The following MARK1 variants were observed in gnomAD, a reference collection of about 807,000 sequenced individuals.
MARK1 encodes microtubule affinity regulating kinase 1.
Under a neutral mutation model 96.3 loss-of-function variants are expected in MARK1, and 40 were observed. That is an observed-to-expected ratio of 0.42 (90% CI 0.32 to 0.54). The LOEUF is 0.54. MARK1 is among the 20% of genes least tolerant of loss of function. The pLI, the probability that MARK1 is intolerant of heterozygous loss-of-function variation, is 0.16. For missense variants in MARK1, 719 were observed against 984.6 expected (o/e 0.73, Z 3.61); for synonymous variants, 317 against 341.2 (o/e 0.93, Z 0.78).
intron 6 of MARK1, among the ~76,000 whole-genome samples, chr1:220,608,098 TC>T (rs1210616281): frequency 2.6e-5 from 4 of 152,250 alleles, no homozygotes; most frequent in Non-Finnish European, 5.9e-5. Flanking sequence ...TCCCTCTTTT[TC>T]TATTGATTGG....
At chr1:220,535,455 C>G (rs1660620545) in intron 1 of MARK1, among the ~76,000 whole-genome samples, 2 of 152,036 alleles carry the variant, frequency 1.3e-5, no homozygotes, top group Non-Finnish European at 2.9e-5. Context: ...TAGTTTTGCT[C>G]ATACTGTAGT....
chr1:220,581,782 G>A (rs1664259097), intron 3 of MARK1, among the ~76,000 whole-genome samples: 1 of 152,164 alleles, frequency 6.6e-6, no homozygotes, highest in South Asian at 2.1e-4. Flanking sequence ...AAGCAGTTAG[G>A]AAGGGGATTG....
At chr1:220,568,747 A>G (rs981622528) in intron 1 of MARK1, among the ~76,000 whole-genome samples, 1 of 152,200 alleles carries the variant, frequency 6.6e-6, no homozygotes, top group African/African-American at 2.4e-5. Context: ...GCATGGAGGC[A>G]CATGTACACA....
At chr1:220,589,867 A>C (rs935804130) in intron 3 of MARK1, among the ~76,000 whole-genome samples, 1 of 152,316 alleles carries the variant, frequency 6.6e-6, no homozygotes, top group African/African-American at 2.4e-5. Context: ...AATTACCTCT[A>C]TTTTTTATAC....
chr1:220,578,636 G>A (rs1277729739), intron 1 of MARK1, among the ~76,000 whole-genome samples: 1 of 152,104 alleles, frequency 6.6e-6, no homozygotes, highest in African/African-American at 2.4e-5. Flanking sequence ...CAAATGGCTG[G>A]GCTAGTTTTG....
At chr1:220,535,184 C>T (rs760686648) in intron 1 of MARK1, among the ~76,000 whole-genome samples, 28 of 152,074 alleles carry the variant, frequency 1.8e-4, no homozygotes, top group Non-Finnish European at 1.2e-4. Flanking sequence ...CAACAGTGCA[C>T]AAGGGTTGCA....
chr1:220,642,992 ATG>A (rs757388536), intron 13 of MARK1, among the ~76,000 whole-genome samples: 1 of 152,216 alleles, frequency 6.6e-6, no homozygotes, highest in Non-Finnish European at 1.5e-5. Flanking sequence ...ATCCACGAAA[ATG>A]AGGAAAAACC....
chr1:220,604,228 AT>A, intron 6 of MARK1, 91 bp downstream of exon 6: 1 of 647,278 alleles, frequency 1.5e-6, no homozygotes, highest in Non-Finnish European at 2.6e-6. Context: ...AGCACATGGT[AT>A]TTTAAAAAGA....
chr1:220,653,462 C>T, intron 16 of MARK1, 110 bp downstream of exon 16: 1 of 1,128,600 alleles, frequency 8.9e-7, no homozygotes, highest in Non-Finnish European at 1.2e-6. Flanking sequence ...CATAACATTT[C>T]ATTAGAGCTG....
chr1:220,592,660 C>T (rs1279705303), intron 3 of MARK1, among the ~76,000 whole-genome samples: 2 of 152,200 alleles, frequency 1.3e-5, no homozygotes, highest in African/African-American at 2.4e-5. Flanking sequence ...CTTTGTTACT[C>T]ATCAATAGGA....
chr1:220,546,414 G>A (rs769288058), intron 1 of MARK1, among the ~76,000 whole-genome samples: 2 of 152,144 alleles, frequency 1.3e-5, no homozygotes, highest in Non-Finnish European at 2.9e-5. Context: ...AGTTTCTCTA[G>A]ATTTAGGGCA....
intron 1 of MARK1, among the ~76,000 whole-genome samples, chr1:220,539,161 A>G (rs1660946789): frequency 6.6e-6 from 1 of 150,388 alleles, no homozygotes; most frequent in Admixed American, 6.6e-5. Context: ...TTCAAAGGGA[A>G]TGCTTCCAGT....
intron 1 of MARK1, among the ~76,000 whole-genome samples, chr1:220,566,111 A>C (rs1036842566): frequency 6.6e-6 from 1 of 152,220 alleles, no homozygotes; most frequent in African/African-American, 2.4e-5. Context: ...TCAAGCTTAC[A>C]GTTAGGATTA....
chr1:220,565,978 G>T (rs1475695588), intron 1 of MARK1, among the ~76,000 whole-genome samples: 1 of 152,146 alleles, frequency 6.6e-6, no homozygotes, highest in African/African-American at 2.4e-5. Context: ...AAAAGCATAG[G>T]TCTTATAGTA....
chr1:220,611,374 G>A (rs752223528), intron 6 of MARK1, among the ~76,000 whole-genome samples: 3 of 152,200 alleles, frequency 2.0e-5, no homozygotes, highest in East Asian at 3.9e-4. Flanking sequence ...CGTAGGACCC[G>A]CCAAGCCAGG....
intron 6 of MARK1, among the ~76,000 whole-genome samples, chr1:220,615,251 C>G (rs1033788632): frequency 6.6e-6 from 1 of 152,060 alleles, no homozygotes; most frequent in African/African-American, 2.4e-5. Flanking sequence ...CTCCAAAGAG[C>G]CCTGTGTGAT....
rs1454365907 is a variant in MARK1 at position 220,664,003 on chromosome 1, T to C, written c.*1837T>C. The C allele has an allele frequency of 6.6e-6, 1 of 152,646 alleles. No individual in the cohort carries two copies. Among genetic ancestry groups the C allele is most frequent in the Admixed American group, 6.5e-5 (1 of 15,278 alleles). 9.5% of individuals were successfully genotyped at this position (152,646 alleles called of 1,614,324 possible). On this transcript the variant is annotated 3_prime_UTR_variant, in exon 18 of 18. Coordinates refer to ENST00000366917, the MANE Select transcript of MARK1 (RefSeq NM_018650.5). ...AGGAGTTTATTGTATGTGTTCTAAA[T>C]TTAGTTGGCAAAGGGTGAAGCTGTG...
intron 3 of MARK1, among the ~76,000 whole-genome samples, chr1:220,591,695 A>T (rs1295611588): frequency 6.6e-6 from 1 of 152,228 alleles, no homozygotes; most frequent in African/African-American, 2.4e-5. Context: ...TTGTACACAC[A>T]AATGTATATG....
chr1:220,572,474 C>T (rs1663540965), intron 1 of MARK1, among the ~76,000 whole-genome samples: 1 of 152,172 alleles, frequency 6.6e-6, no homozygotes, highest in East Asian at 1.9e-4. Context: ...AACTCCCGAC[C>T]TCAGGTGATC....
Sources: gnomAD v4.1 joint callset for allele counts (sites outside exome capture counted in the v4.1 genomes callset) on GRCh38, gnomAD v4.1.1 for gene constraint, MANE v1.5 for transcripts, NCBI Gene and HGNC (gene_info 2026-07-23, HGNC 2026-07-21) for gene names.